Variants in PRKAG2 observed in about 807,000 individuals in gnomAD.
The protein encoded by PRKAG2 is protein kinase AMP-activated non-catalytic subunit gamma 2, also known as 5'-AMP-activated protein kinase subunit gamma-2.
In PRKAG2, 26 loss-of-function variants were observed where a neutral mutation model predicts 69.6. The observed-to-expected ratio is 0.37, with a 90% CI of 0.27 to 0.52. The LOEUF (loss-of-function observed/expected upper bound fraction) is 0.52, where lower values mean the gene tolerates loss of function less well. Ranked by LOEUF, PRKAG2 falls within the 20% of genes least tolerant of loss-of-function variation. The probability of loss-of-function intolerance (pLI) is 0.90; values close to 1 mark genes in which losing one functional copy is unlikely to be tolerated. For missense variants in PRKAG2, 557 were observed against 740.0 expected (o/e 0.75, Z 2.87); for synonymous variants, 293 against 285.0 (o/e 1.03, Z -0.28).
chr7:151,814,933 A>C lies in PRKAG2; in HGVS notation c.115-28392T>G, dbSNP rs1052502595. The C allele has an allele frequency of 5.1e-6, 6 of 1,168,014 alleles. No homozygotes were observed. The highest frequency in any genetic ancestry group is 6.4e-6 in the Non-Finnish European group (6 of 930,468). The allele number at this position is 1,168,014 out of a possible 1,614,324, so 72.4% of individuals were successfully genotyped here. On this transcript the variant is annotated intron_variant, in intron 1 of 15. Transcript: ENST00000287878. The surrounding 1 kb of genome is among the most constrained non-coding windows in gnomAD (Gnocchi z 4.8). ...GACCGGAGCTTTTAAAAAGACAGGC[A>C]GCAGGATGGAGGGAGGCAGGAGCAG...
intron 3 of PRKAG2, among the ~76,000 whole-genome samples, chr7:151,680,370 G>T (rs1053714768): frequency 6.6e-6 from 1 of 152,206 alleles, no homozygotes. Context: ...CACCATTCCT[G>T]TCGGAACATG....
At chr7:151,688,244 C>A (rs1260715066) in intron 3 of PRKAG2, among the ~76,000 whole-genome samples, 1 of 152,170 alleles carries the variant, frequency 6.6e-6, no homozygotes, top group African/African-American at 2.4e-5. Context: ...AGGAGCCCCC[C>A]CAGGTGGCCC....
chr7:151,774,355 G>C lies in PRKAG2; in HGVS notation c.466+6797C>G, dbSNP rs528591224. On this transcript the variant is annotated intron_variant, in intron 3 of 15. Coordinates refer to ENST00000287878, the MANE Select transcript of PRKAG2 (RefSeq NM_016203.4). ...GTACTTGCTGGTCCCAAGATCAGCTGTGGAATCCAGAACCATGGTCCCCAT... is the reference window on the plus strand; with the variant it reads ...GTACTTGCTGGTCCCAAGATCAGCTCTGGAATCCAGAACCATGGTCCCCAT... Among the ~76,000 whole-genome samples the C allele has an allele frequency of 1.9e-4, 29 of 152,300 alleles. 1 individual carries two copies. The South Asian group carries it at 5.8e-3, about 30-fold the overall frequency.
chr7:151,720,351 G>GAGTCTACCT (rs1796851795), intron 3 of PRKAG2, among the ~76,000 whole-genome samples: 2 of 151,954 alleles, frequency 1.3e-5, no homozygotes, highest in African/African-American at 4.8e-5. Flanking sequence ...CTAGATAGGA[G>GAGTCTACCT]AGTCTACCTA....
intron 15 of PRKAG2, chr7:151,558,923 A>G: frequency 1.0e-6 from 1 of 985,408 alleles, no homozygotes; most frequent in Non-Finnish European, 1.2e-6. Flanking sequence ...GAATCGCTTG[A>G]CTTGTTTACT....
intron 3 of PRKAG2, among the ~76,000 whole-genome samples, chr7:151,720,300 T>C (rs1271561430): frequency 1.3e-5 from 2 of 151,982 alleles, no homozygotes; most frequent in Non-Finnish European, 2.9e-5. Context: ...TTCAAGCCAG[T>C]TCGCGTTTGA....
At chr7:151,688,252 C>G (rs1041710097) in intron 3 of PRKAG2, among the ~76,000 whole-genome samples, 9 of 152,180 alleles carry the variant, frequency 5.9e-5, no homozygotes, top group Non-Finnish European at 8.8e-5. Context: ...CCCCAGGTGG[C>G]CCATCCTGCC....
At chr7:151,876,291 G>A (rs892042927) in intron 1 of PRKAG2, among the ~76,000 whole-genome samples, 1 of 152,042 alleles carries the variant, frequency 6.6e-6, no homozygotes, top group Non-Finnish European at 1.5e-5. Flanking sequence ...CCCAGGCGGA[G>A]CCCCAGCCCT....
intron 4 of PRKAG2, among the ~76,000 whole-genome samples, chr7:151,650,317 T>G (rs539918739): frequency 6.6e-6 from 1 of 151,588 alleles, no homozygotes; most frequent in East Asian, 1.9e-4. Flanking sequence ...AAAAAAAAAT[T>G]TAGAAGAAAA....
intron 3 of PRKAG2, among the ~76,000 whole-genome samples, chr7:151,712,266 G>A (rs567706408): frequency 7.7e-4 from 118 of 152,298 alleles, no homozygotes; most frequent in African/African-American, 2.8e-3. Flanking sequence ...TCACTCACCC[G>A]GGAAGGACGC....
Position 151,807,176 on chromosome 7 carries a change from C to T in PRKAG2, c.115-20635G>A, listed in dbSNP as rs1012969343. On this transcript the variant is annotated intron_variant, in intron 1 of 15. Coordinates refer to ENST00000287878, the MANE Select transcript of PRKAG2 (RefSeq NM_016203.4). This position sits in a 1 kb window ranked among gnomAD's most constrained non-coding sequence, Gnocchi z 4.4. The stretch of plus-strand genomic sequence containing the variant: ...GTGGTCACATGACTGTGCACACTTA[C>T]GACAACCCATCTAATTGTATACTGT... 9 of 367,972 alleles carry T rather than the reference C, an allele frequency of 2.4e-5. No homozygotes were observed. Among genetic ancestry groups the T allele is most frequent in the Admixed American group, 1.1e-4 (3 of 28,010 alleles). The allele number at this position is 367,972 out of a possible 1,614,324, so 22.8% of individuals were successfully genotyped here. A position where few individuals can be genotyped will look rare whatever the true frequency, so the allele number is the denominator to read the frequency against.
chr7:151,714,077 G>A (rs1318515100), intron 3 of PRKAG2, among the ~76,000 whole-genome samples: 2 of 151,988 alleles, frequency 1.3e-5, no homozygotes, highest in Non-Finnish European at 2.9e-5. Context: ...AGATAACTCG[G>A]GCTGGGGTCC....
At chr7:151,590,908 G>A (rs1397212646) in intron 6 of PRKAG2, among the ~76,000 whole-genome samples, 3 of 152,198 alleles carry the variant, frequency 2.0e-5, no homozygotes, top group Non-Finnish European at 4.4e-5. Context: ...GGCTCTAACC[G>A]CTCACTTGGT....
chr7:151,652,607 T>C (rs1419669522), intron 4 of PRKAG2, among the ~76,000 whole-genome samples: 1 of 152,182 alleles, frequency 6.6e-6, no homozygotes, highest in East Asian at 1.9e-4. Context: ...ATATGGTAAA[T>C]ATTAGTAGAT....
chr7:151,761,161 G>A (rs1338944732), intron 3 of PRKAG2, among the ~76,000 whole-genome samples: 1 of 152,186 alleles, frequency 6.6e-6, no homozygotes, highest in Non-Finnish European at 1.5e-5. Context: ...CTAATTTTGG[G>A]AGAAATTTAG....
chr7:151,692,204 A>G lies in PRKAG2; in HGVS notation c.467-16567T>C, dbSNP rs1205032985. Among the ~76,000 whole-genome samples the G allele has an allele frequency of 2.0e-5, 3 of 151,066 alleles. No individual in the cohort carries two copies. The Admixed American group carries it at 2.0e-4, about 10-fold the overall frequency. On this transcript the variant is annotated intron_variant, in intron 3 of 15. Coordinates refer to ENST00000287878, the MANE Select transcript of PRKAG2 (RefSeq NM_016203.4). Reference sequence around the variant, plus strand: ...CCCTGTCTCAAAACAACAAAAAAACAAAAAAAAATGAAAAACAAACCAAAA... The same window carrying G: ...CCCTGTCTCAAAACAACAAAAAAACGAAAAAAAATGAAAAACAAACCAAAA...
At chr7:151,653,519 G>A (rs1408070427) in intron 4 of PRKAG2, among the ~76,000 whole-genome samples, 1 of 152,116 alleles carries the variant, frequency 6.6e-6, no homozygotes, top group African/African-American at 2.4e-5. Context: ...AAGCAAACAG[G>A]AATGGGTTGA....
At chr7:151,770,777 G>C (rs920453055) in intron 3 of PRKAG2, among the ~76,000 whole-genome samples, 2 of 152,176 alleles carry the variant, frequency 1.3e-5, no homozygotes, top group African/African-American at 4.8e-5. Flanking sequence ...TTGGGTTTTA[G>C]GAGTTCGACC....
chr7:151,573,103 ACT>A (rs1454277763), intron 8 of PRKAG2, among the ~76,000 whole-genome samples: 1 of 151,376 alleles, frequency 6.6e-6, no homozygotes, highest in African/African-American at 2.4e-5. Context: ...ACAGAGTGAG[ACT>A]CTGTCTCAAA....
Sources: gnomAD v4.1 joint callset for allele counts (sites outside exome capture counted in the v4.1 genomes callset) on GRCh38, gnomAD v4.1.1 for gene constraint, Gnocchi (gnomAD v3.1) non-coding constraint, MANE v1.5 for transcripts, NCBI Gene and HGNC (gene_info 2026-07-23, HGNC 2026-07-21) for gene names.